Variants in SYNJ2 observed in about 807,000 individuals in gnomAD.
The protein encoded by SYNJ2 is synaptojanin 2.
A neutral mutation model predicts 141.3 loss-of-function variants in SYNJ2; 116 were observed. The observed-to-expected ratio is 0.82, with a 90% confidence interval of 0.71 to 0.96. The LOEUF (loss-of-function observed/expected upper bound fraction) is 0.96. Ranked by LOEUF, SYNJ2 falls within the 40% of genes least tolerant of loss-of-function variation. SYNJ2 has a pLI of 0.00. For missense variants in SYNJ2, 1,873 were observed against 1,934.8 expected (o/e 0.97, Z 0.60); for synonymous variants, 745 against 777.7 (o/e 0.96, Z 0.70).
At chr6:157,998,044 A>T (rs969335852) in intron 1 of SYNJ2, among the ~76,000 whole-genome samples, 1 of 152,232 alleles carries the variant, frequency 6.6e-6, no homozygotes, top group African/African-American at 2.4e-5. Flanking sequence ...ATTCAACTGG[A>T]TATTCACGCA....
At chr6:158,036,218 G>A (rs116917522) in intron 4 of SYNJ2, among the ~76,000 whole-genome samples, 6,056 of 152,186 alleles carry the variant, frequency 0.04, 379 homozygotes, top group Admixed American at 0.18. Flanking sequence ...TTAAAAAGTC[G>A]AAAAATAACA....
chr6:158,087,041 G>A lies in SYNJ2; in HGVS notation c.3343+52G>A, dbSNP rs746012245. On this transcript the variant is annotated intron_variant, in intron 23 of 26. Transcript: ENST00000355585. ...CTGGATGCCTGCCAGGAATAACCGC[G>A]CGTTCCCTGCTACTGAAAACACGGC... 2.4e-5 allele frequency: 38 copies of A among 1,567,390 alleles called. No homozygotes were observed. In the South Asian group the frequency reaches 4.0e-4, roughly 16 times the overall value.
chr6:158,052,458 G>A (rs984498001), intron 5 of SYNJ2, among the ~76,000 whole-genome samples: 2 of 152,196 alleles, frequency 1.3e-5, no homozygotes, highest in African/African-American at 4.8e-5. Flanking sequence ...TTTGGCTCAT[G>A]GTAATGCAGG....
chr6:158,092,411 T>TGG (rs1409362882), intron 25 of SYNJ2, among the ~76,000 whole-genome samples: 1 of 151,944 alleles, frequency 6.6e-6, no homozygotes, highest in East Asian at 1.9e-4. Context: ...GAGGCTGGGG[T>TGG]GGGAGGACTG....
Position 158,086,860 on chromosome 6 carries a change from G to T in SYNJ2, c.3214G>T (p.Ala1072Ser). ...KKQHPTYKDD[A>S]DLVELKRELE... ...TGCCCCGCCATGTCCTCCAGATGAC[G>T]CGGACCTGGTGGAGCTCAAGCGGGA... is the stretch of plus-strand genomic sequence containing the variant. Residue 1072 changes from alanine to serine, a missense_variant, in exon 23 of 27, where the codon GCG becomes TCG. Transcript: ENST00000355585. 6.2e-7 allele frequency: 1 copy of T among 1,611,642 alleles called. No homozygotes were observed. The highest frequency in any genetic ancestry group is 8.5e-7 in the Non-Finnish European group (1 of 1,180,024).
At chr6:158,010,810 T>TG (rs112140161) in intron 1 of SYNJ2, among the ~76,000 whole-genome samples, 17 of 144,524 alleles carry the variant, frequency 1.2e-4, no homozygotes, top group East Asian at 4.2e-4. Flanking sequence ...CACGTGATGA[T>TG]GGGGGGGACA....
At chr6:157,997,469 G>A (rs1247528856) in intron 1 of SYNJ2, among the ~76,000 whole-genome samples, 1 of 152,200 alleles carries the variant, frequency 6.6e-6, no homozygotes, top group African/African-American at 2.4e-5. Flanking sequence ...ATATGACAAT[G>A]GAGGCAGAGA....
At chr6:158,028,591 G>A in intron 2 of SYNJ2, 165 bp from the exon 3 acceptor site, 1 of 860,738 alleles carries the variant, frequency 1.2e-6, no homozygotes, top group Non-Finnish European at 1.8e-6. Flanking sequence ...TACAGGACAG[G>A]GCAGGTTCTT....
At chr6:158,058,903 A>T (rs1213569894) in intron 6 of SYNJ2, among the ~76,000 whole-genome samples, 1 of 152,260 alleles carries the variant, frequency 6.6e-6, no homozygotes, top group African/African-American at 2.4e-5. Context: ...ACTGCACTCT[A>T]GCCTGGACAA....
chr6:158,068,149 A>G (rs1005229589), intron 12 of SYNJ2, among the ~76,000 whole-genome samples: 13 of 151,924 alleles, frequency 8.6e-5, no homozygotes, highest in Non-Finnish European at 4.4e-5. Flanking sequence ...TTAAAAAAAA[A>G]AAAAAAAAAA....
At chr6:158,063,910 A>G in intron 9 of SYNJ2, 38 bp downstream of exon 9, 2 of 1,607,246 alleles carry the variant, frequency 1.2e-6, no homozygotes, top group African/African-American at 1.3e-5. Flanking sequence ...CATCTGTGCC[A>G]GGTCCTGTGA....
intron 4 of SYNJ2, among the ~76,000 whole-genome samples, chr6:158,042,460 C>A (rs1457447311): frequency 6.6e-6 from 1 of 152,248 alleles, no homozygotes; most frequent in African/African-American, 2.4e-5. Flanking sequence ...CGGAAAGGAC[C>A]ACAGCAGCGC....
intron 1 of SYNJ2, among the ~76,000 whole-genome samples, chr6:158,011,201 G>T (rs376023319): frequency 4.1e-4 from 63 of 152,164 alleles, no homozygotes; most frequent in African/African-American, 1.5e-3. Context: ...GAGTGAGGAA[G>T]TCATAAGCCA....
In SYNJ2 at chr6:158,028,918, CG is replaced by C; in HGVS notation, c.382del (p.Val128CysfsTer15). ...ATAGCTTTGAAGAAAATCCTCAGCT[CG>C]GGGGTGTTCTATTTCTCATGGCCAA... Reference protein sequence around the residue: ...RLIALKKILSSGVFYFSWPND... With the variant: ...RLIALKKILSXGVFYFSWPND... On this transcript the variant is annotated frameshift_variant, in exon 3 of 27. Transcript: ENST00000355585. LOFTEE classifies it high-confidence loss of function. 1 of 1,614,160 alleles carries C rather than the reference CG, an allele frequency of 6.2e-7. No homozygotes were observed. Among genetic ancestry groups the C allele is most frequent in the Non-Finnish European group, 8.5e-7 (1 of 1,180,024 alleles).
At chr6:158,087,596 C>T (rs1475166435) in intron 23 of SYNJ2, among the ~76,000 whole-genome samples, 2 of 152,196 alleles carry the variant, frequency 1.3e-5, no homozygotes, top group African/African-American at 4.8e-5. Flanking sequence ...TTACTTCTCC[C>T]TCCCCAAAAA....
At chr6:158,060,478 A>G (rs926170247) in intron 7 of SYNJ2, among the ~76,000 whole-genome samples, 6 of 152,314 alleles carry the variant, frequency 3.9e-5, no homozygotes, top group East Asian at 1.9e-4. Flanking sequence ...TATCCCTTAC[A>G]GAGAGAGCTC....
At chr6:157,987,676 A>G (rs1777257291) in intron 1 of SYNJ2, among the ~76,000 whole-genome samples, 1 of 152,270 alleles carries the variant, frequency 6.6e-6, no homozygotes, top group African/African-American at 2.4e-5. Context: ...TTCTGGGATT[A>G]CAGACATGAG....
intron 26 of SYNJ2, among the ~76,000 whole-genome samples, chr6:158,093,461 A>G (rs1022654556): frequency 1.3e-5 from 2 of 152,170 alleles, no homozygotes; most frequent in South Asian, 4.2e-4. Context: ...AAAAAAAAAA[A>G]AACAGATTTG....
At chr6:158,023,057 C>G (rs1424438297) in intron 2 of SYNJ2, among the ~76,000 whole-genome samples, 1 of 152,086 alleles carries the variant, frequency 6.6e-6, no homozygotes, top group Non-Finnish European at 1.5e-5. Context: ...CAAGACCAGC[C>G]TGGGCTATGT....
Sources: allele counts gnomAD v4.1 joint callset (sites outside exome capture counted in the v4.1 genomes callset), GRCh38; gene constraint gnomAD v4.1.1; transcripts MANE v1.5; gene names NCBI Gene and HGNC (gene_info 2026-07-23, HGNC 2026-07-21).